The following ZCCHC7 variants were observed in gnomAD, a reference collection of about 807,000 sequenced individuals.
ZCCHC7 encodes the protein zinc finger CCHC-type containing 7.
ZCCHC7 carries 35 observed loss-of-function variants against 52.0 expected under a neutral mutation model. The ratio of observed to expected loss-of-function variants is 0.67; its 90% confidence interval spans 0.51 to 0.89. ZCCHC7 has a LOEUF of 0.89. ZCCHC7 is among the 40% of genes least tolerant of loss of function. The probability of loss-of-function intolerance (pLI) is 0.00; values close to 1 mark genes in which losing one functional copy is unlikely to be tolerated. For missense variants in ZCCHC7, 574 were observed against 649.1 expected (o/e 0.88, Z 1.26); for synonymous variants, 217 against 221.5 (o/e 0.98, Z 0.18).
chr9:37,289,496 C>T (rs1268229101), intron 2 of ZCCHC7, among the ~76,000 whole-genome samples: 2 of 152,136 alleles, frequency 1.3e-5, no homozygotes, highest in East Asian at 1.9e-4. Context: ...TTAGCTTTAC[C>T]TCCAGATTAT....
chr9:37,336,643 T>C lies in ZCCHC7; in HGVS notation c.987+8809T>C, dbSNP rs879574770. Among the ~76,000 whole-genome samples, 3 of 152,306 alleles carry C rather than the reference T, an allele frequency of 2.0e-5. No individual in the cohort carries two copies. In the East Asian group the frequency reaches 5.8e-4, roughly 29 times the overall value. Reference sequence around the variant, plus strand: ...TTTATAATTTTTTTATTGGGGTTCATGTACAATCACATGCAAAATATAGTA... The same window carrying C: ...TTTATAATTTTTTTATTGGGGTTCACGTACAATCACATGCAAAATATAGTA... On this transcript the variant is annotated intron_variant, in intron 6 of 8. Coordinates refer to ENST00000336755, the MANE Select transcript of ZCCHC7 (RefSeq NM_032226.3).
intron 2 of ZCCHC7, among the ~76,000 whole-genome samples, chr9:37,235,777 A>G (rs1461071362): frequency 6.6e-6 from 1 of 151,502 alleles, no homozygotes; most frequent in Admixed American, 6.6e-5. Context: ...TTTAGTAGAG[A>G]CAGGGTTTTA....
chr9:37,212,223 C>T (rs1387596469), intron 2 of ZCCHC7, among the ~76,000 whole-genome samples: 1 of 151,772 alleles, frequency 6.6e-6, no homozygotes, highest in Non-Finnish European at 1.5e-5. Flanking sequence ...TGTTGCTAAA[C>T]ATCCTGCCAC....
intron 2 of ZCCHC7, among the ~76,000 whole-genome samples, chr9:37,275,635 TTTTTC>T (rs1186228893): frequency 6.6e-6 from 1 of 152,062 alleles, no homozygotes; most frequent in Non-Finnish European, 1.5e-5. Context: ...GGCAGACTCT[TTTTTC>T]TTTTCTTTTT....
In ZCCHC7 at chr9:37,183,248, G is replaced by A. The variant is rs150625551; in HGVS notation, c.610+56306G>A. Among the ~76,000 whole-genome samples, 1,288 of 152,202 alleles carry A rather than the reference G, an allele frequency of 8.5e-3. 7 individuals are homozygous for A. Among genetic ancestry groups the A allele is most frequent in the Non-Finnish European group, 0.013 (876 of 68,006 alleles). ...AATACATAACAGTACATTGTATACC[G>A]TTTGAAGCTGTGTGAACTCTCATTT... On this transcript the variant is annotated intron_variant, in intron 2 of 8. Transcript: ENST00000336755.
intron 2 of ZCCHC7, among the ~76,000 whole-genome samples, chr9:37,145,440 A>T (rs1843391366): frequency 6.6e-6 from 1 of 151,920 alleles, no homozygotes; most frequent in Admixed American, 6.6e-5. Flanking sequence ...GTGAATATGT[A>T]ATTATCGTTC....
chr9:37,189,015 A>G (rs1424191190), intron 2 of ZCCHC7, among the ~76,000 whole-genome samples: 1 of 100,156 alleles, frequency 1.0e-5, no homozygotes, highest in Non-Finnish European at 2.0e-5. Context: ...CATCTCTCAG[A>G]TTTAATATTT....
In ZCCHC7 at chr9:37,356,967, A is replaced by C. The variant is rs761071262; in HGVS notation, c.1331A>C (p.Lys444Thr). ...WKSNRWPQENKETQKEMKNKN... is the reference protein window; with the variant it reads ...WKSNRWPQENTETQKEMKNKN... The stretch of plus-strand genomic sequence containing the variant: ...AGCAACAGGTGGCCTCAAGAAAATA[A>C]AGAAACACAAAAAGAAATGAAGAAC... Residue 444 changes from lysine to threonine, a missense_variant, in exon 9 of 9, where the codon AAA (lysine) becomes ACA (threonine). Lys to Thr is a moderately conservative substitution (Grantham distance 78). Coordinates refer to ENST00000336755, the MANE Select transcript of ZCCHC7 (RefSeq NM_032226.3). 7.4e-6 allele frequency: 12 copies of C among 1,613,742 alleles called. No homozygotes were observed. The highest frequency in any genetic ancestry group is 1.0e-5 in the Non-Finnish European group (12 of 1,179,918).
chr9:37,170,798 A>G (rs991472215), intron 2 of ZCCHC7, among the ~76,000 whole-genome samples: 2 of 152,144 alleles, frequency 1.3e-5, no homozygotes, highest in African/African-American at 2.4e-5. Flanking sequence ...CATTGTCCCA[A>G]CCTTTTAAAA....
chr9:37,336,858 C>G (rs1830687710), intron 6 of ZCCHC7, among the ~76,000 whole-genome samples: 1 of 152,234 alleles, frequency 6.6e-6, no homozygotes, highest in African/African-American at 2.4e-5. Flanking sequence ...TGCATCAAAG[C>G]TTGTGGTCCT....
chr9:37,319,213 A>G (rs1419980120), intron 5 of ZCCHC7, among the ~76,000 whole-genome samples: 1 of 151,930 alleles, frequency 6.6e-6, no homozygotes, highest in Admixed American at 6.6e-5. Context: ...CTAATTTTTA[A>G]TGAGTGTTAA....
chr9:37,304,691 T>A (rs1443224931), intron 4 of ZCCHC7, among the ~76,000 whole-genome samples: 1 of 151,846 alleles, frequency 6.6e-6, no homozygotes, highest in Non-Finnish European at 1.5e-5. Context: ...TGAAACCCTA[T>A]AACCTTAGAA....
In ZCCHC7 at chr9:37,253,609, A is replaced by G. The variant is rs559995074; in HGVS notation, c.611-48579A>G. 2.0e-5 allele frequency among the ~76,000 whole-genome samples: 3 copies of G among 152,180 alleles called. No homozygotes were observed. The South Asian group carries it at 6.2e-4, about 32-fold the overall frequency. On this transcript the variant is annotated intron_variant, in intron 2 of 8. Transcript: ENST00000336755. ...ACCACGTGACACACACAGTGGGACC[A>G]GGGAGATTCACATAAAAAAAAATTT...
At chr9:37,166,778 T>G (rs1478768392) in intron 2 of ZCCHC7, among the ~76,000 whole-genome samples, 1 of 152,184 alleles carries the variant, frequency 6.6e-6, no homozygotes, top group Non-Finnish European at 1.5e-5. Context: ...ACGTTCTGAT[T>G]TCCTTTGTGA....
chr9:37,251,741 A>G (rs1826339464), intron 2 of ZCCHC7, among the ~76,000 whole-genome samples: 1 of 152,160 alleles, frequency 6.6e-6, no homozygotes, highest in Non-Finnish European at 1.5e-5. Context: ...AAGTGAAGAG[A>G]AAGCTGCCCA....
Position 37,305,526 on chromosome 9 carries a change from G to A in ZCCHC7, c.781-18G>A. On this transcript the variant is annotated intron_variant, in intron 4 of 8. Transcript: ENST00000336755. ...CCTTTTGAGACTGAAGAGATTTTAT[G>A]TTTTTTTCGCCACATAGAAAGTTCG... 6.2e-7 allele frequency: 1 copy of A among 1,611,916 alleles called. No homozygotes were observed. Among genetic ancestry groups the A allele is most frequent in the Non-Finnish European group, 8.5e-7 (1 of 1,179,184 alleles).
chr9:37,242,705 T>C (rs1174636617), intron 2 of ZCCHC7, among the ~76,000 whole-genome samples: 1 of 151,840 alleles, frequency 6.6e-6, no homozygotes, highest in Non-Finnish European at 1.5e-5. Flanking sequence ...GCTGAGATAC[T>C]ATTGGAAATC....
chr9:37,144,344 T>G (rs1181382761), intron 2 of ZCCHC7, among the ~76,000 whole-genome samples: 5 of 151,884 alleles, frequency 3.3e-5, no homozygotes, highest in African/African-American at 4.8e-5. Flanking sequence ...TAAGTTGTAT[T>G]TTGAAAAGGG....
chr9:37,169,341 A>G (rs571814169), intron 2 of ZCCHC7, among the ~76,000 whole-genome samples: 20 of 152,338 alleles, frequency 1.3e-4, no homozygotes, highest in African/African-American at 4.8e-4. Flanking sequence ...CGTTCTAAAA[A>G]TCCACAAATA....
Sources: allele counts gnomAD v4.1 joint callset (sites outside exome capture counted in the v4.1 genomes callset), GRCh38; gene constraint gnomAD v4.1.1; transcripts MANE v1.5; gene names NCBI Gene and HGNC (gene_info 2026-07-23, HGNC 2026-07-21).